The following ZNF527 variants were observed in gnomAD, a reference collection of about 807,000 sequenced individuals.
The protein encoded by ZNF527 is zinc finger protein 527.
A neutral mutation model predicts 13.5 loss-of-function variants in ZNF527; 5 were observed. The observed-to-expected ratio is 0.37, with a 90% CI of 0.19 to 0.78. The LOEUF is 0.78. ZNF527 is among the 30% of genes least tolerant of loss of function. The pLI is 0.48. For synonymous variants in ZNF527, 209 were observed against 243.1 expected, an observed-to-expected ratio of 0.86 and a Z score of 1.30; for missense variants, 628 against 726.4, an observed-to-expected ratio of 0.86 and a Z score of 1.56.
intron 4 of ZNF527, among the ~76,000 whole-genome samples, chr19:37,386,996 A>T (rs1040376823): frequency 2.4e-4 from 36 of 152,164 alleles, no homozygotes; most frequent in African/African-American, 8.4e-4. Context: ...AAGAAAATCC[A>T]AGGCGGTATA....
At chr19:37,385,193 A>G (rs1600269936) in intron 4 of ZNF527, 2 of 464,022 alleles carry the variant, frequency 4.3e-6, no homozygotes, top group East Asian at 6.3e-5. Flanking sequence ...TCATTTTTCT[A>G]TGATATATGT....
chr19:37,380,081 C>A, intron 3 of ZNF527, 196 bp from the exon 4 acceptor site: 2 of 1,104,026 alleles, frequency 1.8e-6, no homozygotes, highest in Non-Finnish European at 2.4e-6. Context: ...ACTTTGAGAA[C>A]CACTGTCACG....
Position 37,391,240 on chromosome 19 carries a change from T to C in ZNF527, c.*1361T>C, listed in dbSNP as rs2040749780. ...TTCTGTGGCAGAATATAATAACAAT[T>C]AAATTGTAAATGAGGTCTTTTGTGG... On this transcript the variant is annotated 3_prime_UTR_variant, in exon 5 of 5. Transcript: ENST00000436120. 1 of 152,170 alleles carries C rather than the reference T, an allele frequency of 6.6e-6. No homozygotes were observed. Among genetic ancestry groups the C allele is most frequent in the Non-Finnish European group, 1.5e-5 (1 of 68,034 alleles). The allele number at this position is 152,170 out of a possible 1,614,324, so 9.4% of individuals were successfully genotyped here.
intron 2 of ZNF527, among the ~76,000 whole-genome samples, chr19:37,377,358 A>G (rs186179431): frequency 3.3e-5 from 5 of 152,282 alleles, no homozygotes; most frequent in African/African-American, 9.6e-5. Context: ...GTAAGTACAT[A>G]TGGTGGCTGG....
Position 37,371,200 on chromosome 19 carries a change from C to G in ZNF527, c.-68C>G, listed in dbSNP as rs571478804. 6.6e-6 allele frequency: 1 copy of G among 152,602 alleles called. No homozygotes were observed. The highest frequency in any genetic ancestry group is 2.1e-4 in the South Asian group (1 of 4,828). 9.5% of individuals were successfully genotyped at this position (152,602 alleles called of 1,614,324 possible). ...CGTCGCGGGTCTCGGTCGCGGGGCC[C>G]GTTTGCAGAGCCCGCGGCGCCGGGA... is the stretch of plus-strand genomic sequence containing the variant. On this transcript the variant is annotated 5_prime_UTR_variant, in exon 1 of 5. Coordinates refer to ENST00000436120, the MANE Select transcript of ZNF527 (RefSeq NM_032453.2).
In ZNF527 at chr19:37,389,501, A is replaced by G. The variant is rs779587895; in HGVS notation, c.1452A>G (p.Gln484=). 3 of 1,614,054 alleles carry G rather than the reference A, an allele frequency of 1.9e-6. No individual in the cohort carries two copies. Among genetic ancestry groups the G allele is most frequent in the Non-Finnish European group, 2.5e-6 (3 of 1,180,006 alleles). The change falls in exon 5 of 5, where the codon CAA becomes CAG. Residue 484 remains glutamine, a synonymous_variant. Transcript: ENST00000436120. ...GGAAGTTTTTTAGGACTGACTCACAACTTAATCGACATCATAGAATTCACA... is the reference window on the plus strand; with the variant it reads ...GGAAGTTTTTTAGGACTGACTCACAGCTTAATCGACATCATAGAATTCACA... The part of the protein sequence containing the change: ...KCGKFFRTDS[Q]LNRHHRIHTG...
Position 37,390,910 on chromosome 19 carries a change from T to A in ZNF527, c.*1031T>A, listed in dbSNP as rs2040747065. The A allele has an allele frequency of 6.6e-6, 1 of 152,228 alleles. No individual in the cohort carries two copies. Among genetic ancestry groups the A allele is most frequent in the African/African-American group, 2.4e-5 (1 of 41,464 alleles). 9.4% of individuals were successfully genotyped at this position (152,228 alleles called of 1,614,324 possible). ...GAGCAACCTTCTGATATAACAAGTTTATGAAAGTTGAATACACAGCCTTCA... is the reference window on the plus strand; with the variant it reads ...GAGCAACCTTCTGATATAACAAGTTAATGAAAGTTGAATACACAGCCTTCA... On this transcript the variant is annotated 3_prime_UTR_variant, in exon 5 of 5. Transcript: ENST00000436120.
rs2040764384 is a variant in ZNF527, at chr19:37,392,692, T to G, written c.*2813T>G. ...GGGATGAGTCACTGTGCACAGCTAC[T>G]AATTGATTTTTGATCTATGTATGGC... On this transcript the variant is annotated 3_prime_UTR_variant, in exon 5 of 5. Transcript: ENST00000436120. The G allele has an allele frequency of 6.6e-6, 1 of 152,130 alleles. No individual in the cohort carries two copies. The highest frequency in any genetic ancestry group is 2.4e-5 in the African/African-American group (1 of 41,420). The allele number at this position is 152,130 out of a possible 1,614,324, so 9.4% of individuals were successfully genotyped here.
At position 37,374,011 on chromosome 19, in the gene ZNF527, T is replaced by C. The variant is rs991260310; in HGVS notation, c.-41-147T>C. 5 of 497,582 alleles carry C rather than the reference T, an allele frequency of 1.0e-5. No homozygotes were observed. The Admixed American group carries it at 1.4e-4, about 14-fold the overall frequency. 30.8% of individuals were successfully genotyped at this position (497,582 alleles called of 1,614,324 possible). A position where few individuals can be genotyped will look rare whatever the true frequency, so the allele number is the denominator to read the frequency against. On this transcript the variant is annotated intron_variant, in intron 1 of 4. Transcript: ENST00000436120. The stretch of plus-strand genomic sequence containing the variant: ...TTTGGGAGTTAAGTTCAGCATTGGA[T>C]TCCACCCCGCCACCCTGGCCAGATC...
chr19:37,383,337 G>A (rs1038752820), intron 4 of ZNF527, among the ~76,000 whole-genome samples: 8 of 152,034 alleles, frequency 5.3e-5, no homozygotes, highest in Non-Finnish European at 1.2e-4. Context: ...CCAGGTACAA[G>A]GGATTTTCCT....
At chr19:37,375,311 TTTTC>T (rs1555826993) in intron 2 of ZNF527, among the ~76,000 whole-genome samples, 4,210 of 79,136 alleles carry the variant, frequency 0.053, 178 homozygotes, top group Middle Eastern at 0.073. Flanking sequence ...TCTTTCTTTC[TTTTC>T]TTTCTTTCTT....
Position 37,388,400 on chromosome 19 carries a change from A to T in ZNF527, c.351A>T (p.Ala117=). 6.2e-7 allele frequency: 1 copy of T among 1,614,146 alleles called. No individual in the cohort carries two copies. Among genetic ancestry groups the T allele is most frequent in the Non-Finnish European group, 8.5e-7 (1 of 1,180,020 alleles). ...ISQEMVMERL[A]SHGLECSSFR... ...AGGAGATGGTAATGGAAAGGCTAGC[A>T]AGTCATGGCCTTGAATGCTCCAGTT... The change falls in exon 5 of 5, where the codon GCA becomes GCT. Residue 117 remains alanine, a synonymous_variant. Transcript: ENST00000436120.
intron 4 of ZNF527, among the ~76,000 whole-genome samples, chr19:37,386,309 T>G (rs1310714588): frequency 6.6e-6 from 1 of 151,960 alleles, no homozygotes; most frequent in Non-Finnish European, 1.5e-5. Flanking sequence ...GCCCAGCTAA[T>G]TTTTGTATTT....
intron 4 of ZNF527, among the ~76,000 whole-genome samples, chr19:37,382,574 AACTT>A (rs1194165730): frequency 7.2e-5 from 11 of 152,194 alleles, no homozygotes; most frequent in Non-Finnish European, 1.0e-4. Context: ...CAGAATTTCT[AACTT>A]ACTTCTCTGT....
At chr19:37,384,830 C>T (rs995179903) in intron 4 of ZNF527, 7 of 655,986 alleles carry the variant, frequency 1.1e-5, no homozygotes, top group African/African-American at 5.4e-5. Flanking sequence ...CTGTGAATTA[C>T]CTGCTCATAC....
rs1172633001 is a variant in ZNF527 at position 37,389,434 on chromosome 19, G to T, written c.1385G>T (p.Arg462Ile). The T allele has an allele frequency of 5.6e-6, 9 of 1,614,164 alleles. No homozygotes were observed. The highest frequency in any genetic ancestry group is 6.8e-6 in the Non-Finnish European group (8 of 1,180,040). ...GYRSHLNQHQ[R>I]IHTGEKPYEC... ...CGCTCACACCTGAATCAACATCAGA[G>T]AATTCATACCGGAGAAAAGCCCTAT... Residue 462 changes from arginine to isoleucine, a missense_variant, in exon 5 of 5, where the codon AGA (arginine) becomes ATA (isoleucine). By Grantham distance (97) the Arg-to-Ile change is moderately conservative (BLOSUM62 -3). Coordinates refer to ENST00000436120, the MANE Select transcript of ZNF527 (RefSeq NM_032453.2).
chr19:37,375,311 TTTTCTTTCTTTC>T lies in ZNF527; in HGVS notation c.33+1097_33+1108del, dbSNP rs1555826993. Among the ~76,000 whole-genome samples the T allele has an allele frequency of 6.3e-5, 5 of 79,838 alleles. No individual in the cohort carries two copies. The East Asian group carries it at 1.1e-3, about 18-fold the overall frequency. 52.4% of individuals were successfully genotyped at this position (79,838 alleles called of 152,430 possible). On this transcript the variant is annotated intron_variant, in intron 2 of 4. Coordinates refer to ENST00000436120, the MANE Select transcript of ZNF527 (RefSeq NM_032453.2). ...CTTTCTTTCTTTCTTTCTTTCTTTC[TTTTCTTTCTTTC>T]TTTCTTTCTTTCTTTCCTTTCTTTC...
At chr19:37,382,806 A>C (rs1568695136) in intron 4 of ZNF527, among the ~76,000 whole-genome samples, 1 of 152,112 alleles carries the variant, frequency 6.6e-6, no homozygotes, top group Non-Finnish European at 1.5e-5. Context: ...TCCCGGGTTC[A>C]AGTGATTCTC....
chr19:37,384,879 G>T (rs920916003), intron 4 of ZNF527: 4 of 697,214 alleles, frequency 5.7e-6, no homozygotes, highest in Admixed American at 4.1e-5. Context: ...TTCTCACTCT[G>T]TTGCCCAGGC....
Sources: gnomAD v4.1 joint callset for allele counts (sites outside exome capture counted in the v4.1 genomes callset) on GRCh38, gnomAD v4.1.1 for gene constraint, MANE v1.5 for transcripts, NCBI Gene and HGNC (gene_info 2026-07-23, HGNC 2026-07-21) for gene names.